The following ACOT8 variants were observed in gnomAD, a reference collection of about 807,000 sequenced individuals.
ACOT8 encodes acyl-coenzyme A thioesterase 8.
ACOT8 carries 31 observed loss-of-function variants against 38.4 expected under a neutral mutation model. The observed-to-expected ratio is 0.81, with a 90% CI of 0.61 to 1.09. ACOT8 has a LOEUF of 1.09. Among genes scored for constraint, ACOT8 ranks in the 50% least tolerant of loss-of-function variants. The probability of loss-of-function intolerance (pLI) is 0.00; values close to 1 mark genes in which losing one functional copy is unlikely to be tolerated. For missense variants in ACOT8, 373 were observed against 421.8 expected, an observed-to-expected ratio of 0.88 and a Z score of 1.01; for synonymous variants, 158 against 170.3, an observed-to-expected ratio of 0.93 and a Z score of 0.56.
intron 1 of ACOT8, among the ~76,000 whole-genome samples, chr20:45,856,615 G>A (rs1022154747): frequency 2.4e-4 from 36 of 152,214 alleles, no homozygotes; most frequent in African/African-American, 8.7e-4. Flanking sequence ...GGGAGGCGGA[G>A]GTTGCACTGA....
chr20:45,849,481 C>T (rs1043993239), intron 2 of ACOT8, among the ~76,000 whole-genome samples: 1 of 134,924 alleles, frequency 7.4e-6, no homozygotes, highest in African/African-American at 2.8e-5. Context: ...GAGACAGTTT[C>T]GCTGGGTCAC....
intron 1 of ACOT8, 129 bp from the exon 2 acceptor site, chr20:45,855,421 G>T: frequency 7.8e-7 from 1 of 1,285,632 alleles, no homozygotes; most frequent in Non-Finnish European, 1.1e-6. Flanking sequence ...TATGGTAAAA[G>T]CCATAGGTCC....
At chr20:45,843,382 G>T in intron 5 of ACOT8, 145 bp downstream of exon 5, 1 of 1,082,800 alleles carries the variant, frequency 9.2e-7, no homozygotes, top group Non-Finnish European at 1.4e-6. Flanking sequence ...TCATTTTGAA[G>T]ATGAAGATGC....
intron 1 of ACOT8, among the ~76,000 whole-genome samples, chr20:45,856,411 C>T (rs538247029): frequency 6.6e-6 from 1 of 152,172 alleles, no homozygotes; most frequent in East Asian, 1.9e-4. Flanking sequence ...GGGGGCTGGG[C>T]GCGGTGGCTC....
intron 2 of ACOT8, among the ~76,000 whole-genome samples, chr20:45,851,990 TTTTTG>T (rs140218968): frequency 0.03 from 4,622 of 152,016 alleles, 195 homozygotes; most frequent in Admixed American, 0.12. Context: ...AAACATCTCT[TTTTTG>T]TTTTGTTTTT....
chr20:45,849,584 GGGACTACA>G (rs1295326964), intron 2 of ACOT8, among the ~76,000 whole-genome samples: 1 of 151,970 alleles, frequency 6.6e-6, no homozygotes, highest in African/African-American at 2.4e-5. Context: ...CTAAGTAGCT[GGGACTACA>G]GGCGTGCGCC....
rs763322779 is a variant in ACOT8 at position 45,855,200 on chromosome 20, T to A, written c.221A>T (p.Asp74Val). 2.5e-6 allele frequency: 4 copies of A among 1,614,116 alleles called. No individual in the cohort carries two copies. Among genetic ancestry groups the A allele is most frequent in the Non-Finnish European group, 3.4e-6 (4 of 1,180,030 alleles). Reference protein sequence around the residue: ...LVAAAKSVSEDVHVHSLHCYF... With the variant: ...LVAAAKSVSEVVHVHSLHCYF... ...GCAGTGCAGGGAGTGCACGTGGACG[T>A]CTTCACTCACAGACTTGGCTGCAGC... The change falls in exon 2 of 6, where the codon GAC becomes GTC. Residue 74 changes from aspartate to valine, a missense_variant. Transcript: ENST00000217455.
At chr20:45,843,357 C>A in intron 5 of ACOT8, 170 bp downstream of exon 5, 1 of 903,450 alleles carries the variant, frequency 1.1e-6, no homozygotes, top group South Asian at 1.4e-5. Flanking sequence ...GAGCAGGTGT[C>A]CCGGCCTCAC....
chr20:45,841,940 C>T lies in ACOT8; in HGVS notation c.858G>A (p.Leu286=). The change falls in exon 6 of 6, where the codon CTG becomes CTA. Residue 286 remains leucine, a synonymous_variant. Coordinates refer to ENST00000217455, the MANE Select transcript of ACOT8 (RefSeq NM_005469.4). The part of the protein sequence containing the change: ...ESPWAGGSRG[L]VHGRLWRQDG... Reference sequence around the variant, plus strand: ...CCTGACGCCACAGCCGCCCATGGACCAGCCCCCGAGAGCCACCTGTGGGTG... The same window carrying T: ...CCTGACGCCACAGCCGCCCATGGACTAGCCCCCGAGAGCCACCTGTGGGTG... 1.2e-6 allele frequency: 2 copies of T among 1,613,332 alleles called. No individual in the cohort carries two copies. The highest frequency in any genetic ancestry group is 2.2e-5 in the East Asian group (1 of 44,878).
At chr20:45,851,368 A>C (rs1985047291) in intron 2 of ACOT8, among the ~76,000 whole-genome samples, 1 of 152,300 alleles carries the variant, frequency 6.6e-6, no homozygotes, top group Admixed American at 6.5e-5. Context: ...CTTGGGGGGA[A>C]AAAACAAAAA....
intron 2 of ACOT8, among the ~76,000 whole-genome samples, chr20:45,849,345 T>C (rs1175654426): frequency 6.6e-6 from 1 of 152,122 alleles, no homozygotes; most frequent in Non-Finnish European, 1.5e-5. Flanking sequence ...AGTACAGTGG[T>C]GTAATCTCGG....
Position 45,843,588 on chromosome 20 carries a change from C to G in ACOT8, c.780G>C (p.Trp260Cys). 6.2e-7 allele frequency: 1 copy of G among 1,613,180 alleles called. No homozygotes were observed. The highest frequency in any genetic ancestry group is 8.5e-7 in the Non-Finnish European group (1 of 1,179,252). ...GGTCAGCTCGGAAGGGGGCGTGGAA[C>G]CACATGGAATGGTCCAGTGAGACCA... ...HFMVSLDHSM[W>C]FHAPFRADHW... is the part of the protein sequence containing the mutation. The change falls in exon 5 of 6, where the codon TGG becomes TGC. Residue 260 changes from tryptophan to cysteine, a missense_variant. Transcript: ENST00000217455.
chr20:45,850,303 C>T (rs1984980887), intron 2 of ACOT8, among the ~76,000 whole-genome samples: 1 of 152,196 alleles, frequency 6.6e-6, no homozygotes, highest in African/African-American at 2.4e-5. Flanking sequence ...TTGGCTTTCT[C>T]CGGTTGGTCC....
In ACOT8 at chr20:45,857,373, C is replaced by A; in HGVS notation, c.-58G>T. ...TCCGCGGAAGACGCGGAGACATACACAGAACCTGACTCTTCCGGCAGATTG... is the reference window on the plus strand; with the variant it reads ...TCCGCGGAAGACGCGGAGACATACAAAGAACCTGACTCTTCCGGCAGATTG... On this transcript the variant is annotated 5_prime_UTR_variant, in exon 1 of 6. Coordinates refer to ENST00000217455, the MANE Select transcript of ACOT8 (RefSeq NM_005469.4). 1 of 1,531,078 alleles carries A rather than the reference C, an allele frequency of 6.5e-7. No homozygotes were observed. The allele number at this position is 1,531,078 out of a possible 1,614,324, so 94.8% of individuals were successfully genotyped here. A position where few individuals can be genotyped will look rare whatever the true frequency, so the allele number is the denominator to read the frequency against.
intron 2 of ACOT8, among the ~76,000 whole-genome samples, chr20:45,850,163 G>A (rs1407731883): frequency 1.3e-5 from 2 of 152,148 alleles, no homozygotes; most frequent in African/African-American, 2.4e-5. Flanking sequence ...CAGGAGAACT[G>A]CTTGAACCTG....
Position 45,848,524 on chromosome 20 carries a change from G to A in ACOT8, c.414C>T (p.His138=), listed in dbSNP as rs753121592. 1.2e-6 allele frequency: 2 copies of A among 1,613,976 alleles called. No homozygotes were observed. The highest frequency in any genetic ancestry group is 2.2e-5 in the South Asian group (2 of 91,056). ...GTGGCACAGTGGGCATGGAGAACTG[G>A]TGCTGCATGGGGCTGGGCTGGGCCT... The part of the protein sequence containing the change: ...FQQAQPSPMQ[H]QFSMPTVPPP... Residue 138 remains histidine (H), a synonymous_variant, in exon 3 of 6, where the codon CAC becomes CAT. Coordinates refer to ENST00000217455, the MANE Select transcript of ACOT8 (RefSeq NM_005469.4).
chr20:45,855,974 T>G (rs908278814), intron 1 of ACOT8, among the ~76,000 whole-genome samples: 4 of 151,988 alleles, frequency 2.6e-5, no homozygotes, highest in African/African-American at 9.7e-5. Context: ...TGAACAGCCC[T>G]CCATGACCTG....
chr20:45,843,056 T>C, intron 5 of ACOT8: 1 of 1,150,084 alleles, frequency 8.7e-7, no homozygotes, highest in Non-Finnish European at 1.1e-6. Context: ...CTTAGAGAAC[T>C]TAAAAATACA....
Position 45,843,200 on chromosome 20 carries a change from C to A in ACOT8, c.841+327G>T, listed in dbSNP as rs145727419. The stretch of plus-strand genomic sequence containing the variant: ...GATACCACTGCTGTAATGTAACCCT[C>A]TTTGTTTAGATGAGGAAACTGAGGT... On this transcript the variant is annotated intron_variant, in intron 5 of 5. Coordinates refer to ENST00000217455, the MANE Select transcript of ACOT8 (RefSeq NM_005469.4). The A allele has an allele frequency of 4.8e-3, 2,382 of 497,816 alleles. 12 individuals are homozygous for A. The highest frequency in any genetic ancestry group is 7.0e-3 in the Non-Finnish European group (1,995 of 286,716). The allele number at this position is 497,816 out of a possible 1,614,324, so 30.8% of individuals were successfully genotyped here. A position where few individuals can be genotyped will look rare whatever the true frequency, so the allele number is the denominator to read the frequency against.
Sources: allele counts gnomAD v4.1 joint callset (sites outside exome capture counted in the v4.1 genomes callset), GRCh38; gene constraint gnomAD v4.1.1; transcripts MANE v1.5; gene names NCBI Gene and HGNC (gene_info 2026-07-23, HGNC 2026-07-21).